Variants in ATRNL1 observed in about 807,000 individuals in gnomAD.
ATRNL1 encodes attractin like 1, also known as attractin-like protein 1.
Under a neutral mutation model 182.7 loss-of-function variants are expected in ATRNL1, and 95 were observed. The ratio of observed to expected loss-of-function variants is 0.52; its 90% CI spans 0.44 to 0.62. ATRNL1 has a LOEUF of 0.62. Among genes scored for constraint, ATRNL1 ranks in the 20% least tolerant of loss-of-function variants. The pLI is 0.00. For missense variants in ATRNL1, 1,471 were observed against 1,679.5 expected (o/e 0.88, Z 2.17); for synonymous variants, 576 against 568.3 (o/e 1.01, Z -0.19).
chr10:115,320,102 C>G (rs1195545387), intron 18 of ATRNL1, among the ~76,000 whole-genome samples: 1 of 151,312 alleles, frequency 6.6e-6, no homozygotes, highest in Non-Finnish European at 1.5e-5. Flanking sequence ...TAACAAAATC[C>G]CTTAGCATTT....
chr10:115,727,837 T>C (rs1947646889), intron 27 of ATRNL1, among the ~76,000 whole-genome samples: 1 of 152,154 alleles, frequency 6.6e-6, no homozygotes, highest in South Asian at 2.1e-4. Context: ...TTTTTATTTG[T>C]GGTTAATTGC....
At chr10:115,919,923 C>T (rs2615887) in intron 28 of ATRNL1, among the ~76,000 whole-genome samples, 148,095 of 152,214 alleles carry the variant, frequency 0.97, 72,203 homozygotes, top group East Asian at 1. Context: ...TCCACCCTCA[C>T]GACCTAATCA....
intron 28 of ATRNL1, among the ~76,000 whole-genome samples, chr10:115,867,178 A>G (rs1555104924): frequency 6.6e-6 from 1 of 152,162 alleles, no homozygotes; most frequent in African/African-American, 2.4e-5. Context: ...AGAAAGTGTT[A>G]ATGTTGAGCT....
At chr10:115,299,234 G>T (rs1212752256) in intron 15 of ATRNL1, among the ~76,000 whole-genome samples, 1 of 151,530 alleles carries the variant, frequency 6.6e-6, no homozygotes, top group African/African-American at 2.4e-5. Context: ...TAGTAACTTG[G>T]ATCATGAATA....
intron 26 of ATRNL1, among the ~76,000 whole-genome samples, chr10:115,585,188 AT>A (rs1201508538): frequency 1.1e-5 from 1 of 87,842 alleles, no homozygotes; most frequent in African/African-American, 3.8e-5. Flanking sequence ...CAATTTTGGA[AT>A]AGGTGTGGTG....
chr10:115,332,344 C>T (rs1855265903), intron 18 of ATRNL1, among the ~76,000 whole-genome samples: 1 of 152,024 alleles, frequency 6.6e-6, no homozygotes, highest in Non-Finnish European at 1.5e-5. Context: ...TTTTTTTAGC[C>T]CTCGTGAAGG....
At chr10:115,608,074 C>T (rs1201376168) in intron 26 of ATRNL1, among the ~76,000 whole-genome samples, 1 of 151,770 alleles carries the variant, frequency 6.6e-6, no homozygotes, top group African/African-American at 2.4e-5. Context: ...GGTTTAGTAG[C>T]AATGCCTTTC....
intron 10 of ATRNL1, among the ~76,000 whole-genome samples, chr10:115,260,172 C>T (rs1301056329): frequency 6.6e-6 from 1 of 152,110 alleles, no homozygotes; most frequent in African/African-American, 2.4e-5. Context: ...TAATGTTTCT[C>T]TTCTGCAGGA....
intron 19 of ATRNL1, among the ~76,000 whole-genome samples, chr10:115,362,429 C>T (rs974187812): frequency 6.6e-6 from 1 of 151,446 alleles, no homozygotes; most frequent in South Asian, 2.1e-4. Context: ...CTTAAATTAA[C>T]TTAACATATT....
In ATRNL1 at chr10:115,656,564, C is replaced by T. The variant is rs184063500; in HGVS notation, c.3796-70684C>T. 1.6e-3 allele frequency among the ~76,000 whole-genome samples: 238 copies of T among 152,148 alleles called. 3 individuals are homozygous for T. Among genetic ancestry groups the T allele is most frequent in the African/African-American group, 5.4e-3 (223 of 41,514 alleles). The stretch of plus-strand genomic sequence containing the variant: ...AGGGTGGGTACCTGCGTTGCTGCCC[C>T]AAGGTGGATAGGTTCTGGCCACCCA... On this transcript the variant is annotated intron_variant, in intron 26 of 28. Coordinates refer to ENST00000355044, the MANE Select transcript of ATRNL1 (RefSeq NM_207303.4).
chr10:115,585,781 T>C (rs2133900377), intron 26 of ATRNL1, among the ~76,000 whole-genome samples: 1 of 67,070 alleles, frequency 1.5e-5, no homozygotes, highest in South Asian at 5.0e-4. Flanking sequence ...TAGGTGTGAA[T>C]TTGATCCTGT....
intron 28 of ATRNL1, among the ~76,000 whole-genome samples, chr10:115,865,585 C>T (rs782373605): frequency 6.6e-6 from 1 of 152,132 alleles, no homozygotes; most frequent in Admixed American, 6.5e-5. Flanking sequence ...TTGAACATAA[C>T]ATAGTATAGC....
rs546277234 is a variant in ATRNL1, at chr10:115,809,323, G to A, written c.3904-38554G>A. Among the ~76,000 whole-genome samples the A allele has an allele frequency of 3.2e-3, 475 of 148,198 alleles. 2 individuals are homozygous for A. Among genetic ancestry groups the A allele is most frequent in the African/African-American group, 0.011 (437 of 40,170 alleles). ...CTATTCTAGATCCTCTGCATTTCCC[G>A]TATAAATTTTAGAATCAACTTTTTC... On this transcript the variant is annotated intron_variant, in intron 27 of 28. Transcript: ENST00000355044.
At position 115,231,798 on chromosome 10, in the gene ATRNL1, G is replaced by C. The variant is rs1428436788; in HGVS notation, c.1533-9773G>C. Among the ~76,000 whole-genome samples, 9 of 152,144 alleles carry C rather than the reference G, an allele frequency of 5.9e-5. No individual in the cohort carries two copies. The South Asian group carries it at 1.9e-3, about 32-fold the overall frequency. On this transcript the variant is annotated intron_variant, in intron 9 of 28. Transcript: ENST00000355044. ...GGTGGAGAGAACTCTTGAAAATTTT[G>C]TTTCTTTTTATTTTCTCAGTGAAGT...
intron 8 of ATRNL1, among the ~76,000 whole-genome samples, chr10:115,201,407 A>G (rs1284118125): frequency 2.0e-5 from 3 of 152,026 alleles, no homozygotes; most frequent in Admixed American, 6.6e-5. Flanking sequence ...TAATTTTTGT[A>G]TAAGGTGTAA....
At position 115,649,133 on chromosome 10, in the gene ATRNL1, G is replaced by A. The variant is rs192755166; in HGVS notation, c.3796-78115G>A. 5.9e-5 allele frequency among the ~76,000 whole-genome samples: 9 copies of A among 152,120 alleles called. No homozygotes were observed. The East Asian group carries it at 1.4e-3, about 23-fold the overall frequency. On this transcript the variant is annotated intron_variant, in intron 26 of 28. Coordinates refer to ENST00000355044, the MANE Select transcript of ATRNL1 (RefSeq NM_207303.4). Reference sequence around the variant, plus strand: ...ATAAATTTTAAAAGTTTATAGTGACGCTTTGTTTTATTTATTTGTCGCTTT... The same window carrying A: ...ATAAATTTTAAAAGTTTATAGTGACACTTTGTTTTATTTATTTGTCGCTTT...
chr10:115,623,120 T>C (rs1423447132), intron 26 of ATRNL1, among the ~76,000 whole-genome samples: 2 of 152,126 alleles, frequency 1.3e-5, no homozygotes, highest in African/African-American at 2.4e-5. Context: ...TAAAAATCAT[T>C]TAAAAATTGT....
rs557419933 is a variant in ATRNL1 at position 115,440,770 on chromosome 10, T to TG, written c.3322+14474dup. On this transcript the variant is annotated intron_variant, in intron 21 of 28. Coordinates refer to ENST00000355044, the MANE Select transcript of ATRNL1 (RefSeq NM_207303.4). ...TGAACTTTCTTCACCCTCACGTTGC[T>TG]GGGGGGAAAAAAAAATCATATAGCT... Among the ~76,000 whole-genome samples, 8 of 151,790 alleles carry TG rather than the reference T, an allele frequency of 5.3e-5. No homozygotes were observed. The South Asian group carries it at 8.3e-4, about 16-fold the overall frequency.
intron 25 of ATRNL1, among the ~76,000 whole-genome samples, chr10:115,534,163 G>T (rs1442301324): frequency 6.6e-6 from 1 of 151,570 alleles, no homozygotes; most frequent in Non-Finnish European, 1.5e-5. Flanking sequence ...TATCCTTGTT[G>T]ACTTTCTGTC....
Sources: allele counts gnomAD v4.1 joint callset (sites outside exome capture counted in the v4.1 genomes callset), GRCh38; gene constraint gnomAD v4.1.1; transcripts MANE v1.5; gene names NCBI Gene and HGNC (gene_info 2026-07-23, HGNC 2026-07-21).